IAH1: variants seen among roughly 807,000 people sequenced by gnomAD.
IAH1 encodes the protein isoamyl acetate hydrolyzing esterase 1 (putative).
IAH1 carries 24 observed loss-of-function variants against 26.7 expected under a neutral mutation model. The observed-to-expected ratio is 0.90, with a 90% CI of 0.65 to 1.26. The LOEUF (loss-of-function observed/expected upper bound fraction) is 1.26. IAH1 is among the 50% of genes most tolerant of loss of function. IAH1 has a pLI of 0.00. For missense variants in IAH1, 300 were observed against 299.9 expected (o/e 1.00, Z 0.00); for synonymous variants, 140 against 118.5 (o/e 1.18, Z -1.18).
chr2:9,475,261 G>T (rs1434072089), intron 1 of IAH1: 3 of 1,210,002 alleles, frequency 2.5e-6, no homozygotes, highest in Non-Finnish European at 3.3e-6. Context: ...TCCTGTGTGT[G>T]TCCTCTTCTC....
chr2:9,501,077 G>C (rs1662972384), downstream of IAH1, among the ~76,000 whole-genome samples: 2 of 151,818 alleles, frequency 1.3e-5, no homozygotes, highest in African/African-American at 4.8e-5. Flanking sequence ...TGCCCAAATG[G>C]ATGATTACAT....
rs188277467 is a variant in IAH1, at chr2:9,481,324, G to T, written c.322G>T (p.Ala108Ser). The T allele has an allele frequency of 1.9e-6, 3 of 1,614,154 alleles. No individual in the cohort carries two copies. Among genetic ancestry groups the T allele is most frequent in the Admixed American group, 3.3e-5 (2 of 60,030 alleles). The change falls in exon 4 of 6, where the codon GCT becomes TCT. Residue 108 changes from alanine to serine, a missense_variant. Physicochemically the swap from Ala to Ser is moderately conservative, Grantham distance 99. Coordinates refer to ENST00000497473, the MANE Select transcript of IAH1 (RefSeq NM_001039613.3). Reference sequence around the variant, plus strand: ...GCAGCACATTCCCCTGGAGGAGTACGCTGCGAACCTAAAGAGCATGGTGCA... The same window carrying T: ...GCAGCACATTCCCCTGGAGGAGTACTCTGCGAACCTAAAGAGCATGGTGCA... ...PKQHIPLEEY[A>S]ANLKSMVQYL...
intron 3 of IAH1, among the ~76,000 whole-genome samples, chr2:9,479,184 A>G (rs1008355551): frequency 1.3e-5 from 2 of 152,212 alleles, no homozygotes; most frequent in Non-Finnish European, 2.9e-5. Flanking sequence ...GAAGAAATTA[A>G]TCTTCACTTT....
At chr2:9,504,560 T>G in the IAH1 span, among the ~76,000 whole-genome samples, 2 of 151,186 alleles carry the variant, frequency 1.3e-5, no homozygotes, top group East Asian at 3.9e-4. Flanking sequence ...AGGTCAGGAG[T>G]TGGAGACCAT....
At chr2:9,497,378 T>A, downstream of IAH1, 1 of 1,184,824 alleles carries the variant, frequency 8.4e-7, no homozygotes, top group South Asian at 1.5e-5. Flanking sequence ...CCTACAGAGC[T>A]AGGACAAGAG....
At chr2:9,496,390 A>G (rs1662601796) in exon 7 of IAH1, 1 of 152,160 alleles carries the variant, frequency 6.6e-6, no homozygotes, top group Non-Finnish European at 1.5e-5. Flanking sequence ...TCGGCCTCCC[A>G]AAGTGATGGG....
chr2:9,501,379 C>T (rs1223800554), downstream of IAH1, among the ~76,000 whole-genome samples: 6 of 152,174 alleles, frequency 3.9e-5, no homozygotes, highest in Non-Finnish European at 8.8e-5. Flanking sequence ...AGCAGTGGTG[C>T]TCTAGAGACC....
At chr2:9,481,972 C>G (rs919236380) in intron 4 of IAH1, among the ~76,000 whole-genome samples, 3 of 151,836 alleles carry the variant, frequency 2.0e-5, no homozygotes, top group Non-Finnish European at 4.4e-5. Flanking sequence ...ACGGTTCAAA[C>G]CTGTGTTGTT....
chr2:9,483,193 G>A (rs184038406), intron 4 of IAH1, among the ~76,000 whole-genome samples: 282 of 152,298 alleles, frequency 1.9e-3, no homozygotes, highest in Admixed American at 6.1e-3. Flanking sequence ...GGTCAGTGAT[G>A]GGCAAAGCAG....
At position 9,474,619 on chromosome 2, in the gene IAH1, T is replaced by G. The variant is rs1341086821; in HGVS notation, c.53T>G (p.Leu18Trp). Residue 18 changes from leucine (L) to tryptophan (W), a missense_variant, in exon 1 of 6, where the codon TTG (leucine) becomes TGG (tryptophan). Leu to Trp is a moderately conservative substitution (Grantham distance 61). Transcript: ENST00000497473. The surrounding 1 kb of genome is among the most constrained non-coding windows in gnomAD (Gnocchi z 4.3). ...GCGSALLWPR[L>W]LLFGDSITQF... ...GGGAGTGCCCTGCTCTGGCCTCGCT[T>G]GTTGCTCTTCGGGGACTCCATCACC... 6.4e-7 allele frequency: 1 copy of G among 1,556,084 alleles called. No individual in the cohort carries two copies. The highest frequency in any genetic ancestry group is 1.9e-5 in the Admixed American group (1 of 53,604).
intron 4 of IAH1, among the ~76,000 whole-genome samples, chr2:9,483,416 T>A (rs569358343): frequency 3.9e-5 from 6 of 152,304 alleles, no homozygotes; most frequent in South Asian, 2.1e-4. Context: ...GCTAATTTTT[T>A]AAATTTTTTT....
intron 1 of IAH1, among the ~76,000 whole-genome samples, chr2:9,475,451 C>G (rs546496193): frequency 6.6e-6 from 1 of 151,702 alleles, no homozygotes. Flanking sequence ...CCTCACTGAC[C>G]TTTGACTTTA....
At chr2:9,510,059 C>G in the IAH1 span, 2 of 1,614,064 alleles carry the variant, frequency 1.2e-6, no homozygotes, top group East Asian at 2.2e-5. Context: ...GGGGCACATT[C>G]TGCTAGACCA....
At chr2:9,509,500 A>G in the IAH1 span, among the ~76,000 whole-genome samples, 1 of 152,194 alleles carries the variant, frequency 6.6e-6, no homozygotes, top group Admixed American at 6.5e-5. Flanking sequence ...AGCTATGAAT[A>G]AGATAGAGCT....
chr2:9,495,922 ACTC>A (rs1662559619), intron 6 of IAH1, among the ~76,000 whole-genome samples: 1 of 147,330 alleles, frequency 6.8e-6, no homozygotes, highest in East Asian at 2.0e-4. Flanking sequence ...GTCTCAAACA[ACTC>A]CTGAGCTCAA....
the IAH1 span, among the ~76,000 whole-genome samples, chr2:9,504,388 T>C: frequency 6.6e-6 from 1 of 152,160 alleles, no homozygotes; most frequent in South Asian, 2.1e-4. Flanking sequence ...GAGATTGCAG[T>C]GCGCTGAGAT....
In IAH1 at chr2:9,494,797, G is replaced by GTC. The variant is rs1558494236; in HGVS notation, c.*159_*160insTC. ...AACAGAGAACACGCATTGACAGCTG[G>GTC]ATTGTTCTGAGACCTGCCTCTCCTC... On this transcript the variant is annotated 3_prime_UTR_variant, in exon 6 of 7. Coordinates refer to the IAH1 transcript ENST00000481367. The GTC allele has an allele frequency of 5.0e-6, 8 of 1,612,070 alleles. No homozygotes were observed. In the South Asian group the frequency reaches 8.8e-5, roughly 18 times the overall value.
intron 6 of IAH1, among the ~76,000 whole-genome samples, chr2:9,495,808 A>G (rs1482591907): frequency 1.3e-5 from 2 of 151,512 alleles, no homozygotes; most frequent in Non-Finnish European, 2.9e-5. Flanking sequence ...GAGCACCCCA[A>G]GCCTCTTGGC....
intron 4 of IAH1, among the ~76,000 whole-genome samples, chr2:9,483,166 A>G (rs1661280884): frequency 6.6e-6 from 1 of 152,206 alleles, no homozygotes; most frequent in African/African-American, 2.4e-5. Context: ...ATGTAGCCCA[A>G]TGCAGACTTT....
Sources: allele counts gnomAD v4.1 joint callset (sites outside exome capture counted in the v4.1 genomes callset), GRCh38; gene constraint gnomAD v4.1.1; non-coding constraint Gnocchi (gnomAD v3.1); transcripts MANE v1.5; gene names NCBI Gene and HGNC (gene_info 2026-07-23, HGNC 2026-07-21).